ADAMTS16: variants seen among roughly 807,000 people sequenced by gnomAD.
ADAMTS16 encodes the protein A disintegrin and metalloproteinase with thrombospondin motifs 16.
A neutral mutation model predicts 145.8 loss-of-function variants in ADAMTS16; 94 were observed. The observed-to-expected ratio is 0.64, with a 90% CI of 0.55 to 0.77. ADAMTS16 has a LOEUF of 0.77. Among genes scored for constraint, ADAMTS16 ranks in the 30% least tolerant of loss-of-function variants. The probability of loss-of-function intolerance (pLI) is 0.00; values close to 1 mark genes in which losing one functional copy is unlikely to be tolerated. For synonymous variants in ADAMTS16, 659 were observed against 604.3 expected, an observed-to-expected ratio of 1.09 and a Z score of -1.33; for missense variants, 1,585 against 1,591.5, an observed-to-expected ratio of 1.00 and a Z score of 0.07.
intron 18 of ADAMTS16, among the ~76,000 whole-genome samples, chr5:5,291,566 C>T (rs936588610): frequency 7.2e-5 from 11 of 152,168 alleles, no homozygotes; most frequent in East Asian, 3.9e-4. Context: ...ATTGGTGTCC[C>T]GTGATTTCCT....
intron 18 of ADAMTS16, among the ~76,000 whole-genome samples, chr5:5,298,274 A>G (rs1238751081): frequency 6.6e-6 from 1 of 152,252 alleles, no homozygotes; most frequent in Non-Finnish European, 1.5e-5. Context: ...GCATTGCTCC[A>G]GCAGGCATCG....
intron 18 of ADAMTS16, among the ~76,000 whole-genome samples, chr5:5,299,071 G>A (rs943494303): frequency 1.3e-5 from 2 of 152,204 alleles, no homozygotes; most frequent in African/African-American, 4.8e-5. Context: ...GGCAGCTGGA[G>A]CCCTGATACT....
intron 3 of ADAMTS16, among the ~76,000 whole-genome samples, chr5:5,168,163 C>A (rs952881792): frequency 1.3e-5 from 2 of 152,032 alleles, no homozygotes; most frequent in Non-Finnish European, 2.9e-5. Flanking sequence ...CATTTAATCT[C>A]CAAGAAAAGT....
intron 21 of ADAMTS16, among the ~76,000 whole-genome samples, chr5:5,311,873 C>T (rs1209207515): frequency 2.6e-5 from 4 of 151,970 alleles, no homozygotes; most frequent in Admixed American, 6.6e-5. Context: ...CCCGCCACCA[C>T]GCCTGGCTAA....
chr5:5,198,655 A>C (rs1735873317), intron 8 of ADAMTS16, among the ~76,000 whole-genome samples: 1 of 152,210 alleles, frequency 6.6e-6, no homozygotes, highest in Non-Finnish European at 1.5e-5. Context: ...GTACCATAAA[A>C]GCTGTAAAAT....
At chr5:5,265,563 CT>C (rs905673609) in intron 18 of ADAMTS16, among the ~76,000 whole-genome samples, 1 of 152,146 alleles carries the variant, frequency 6.6e-6, no homozygotes, top group African/African-American at 2.4e-5. Flanking sequence ...CAGACAGGCA[CT>C]TTAAGAGGGG....
intron 17 of ADAMTS16, among the ~76,000 whole-genome samples, chr5:5,256,149 C>T: frequency 6.6e-6 from 1 of 152,166 alleles, no homozygotes; most frequent in East Asian, 1.9e-4. Flanking sequence ...TTTCATCCAT[C>T]AGCATTCTCA....
intron 8 of ADAMTS16, among the ~76,000 whole-genome samples, chr5:5,199,145 G>A (rs550849469): frequency 4.6e-5 from 7 of 152,214 alleles, no homozygotes; most frequent in Non-Finnish European, 7.3e-5. Context: ...TGAGCCTTGA[G>A]AGCACTCAAG....
chr5:5,196,169 T>C (rs1197008239), intron 8 of ADAMTS16, among the ~76,000 whole-genome samples: 1 of 136,606 alleles, frequency 7.3e-6, no homozygotes, highest in African/African-American at 2.8e-5. Context: ...ACTCAGGAAG[T>C]AGAGGTTGCA....
At chr5:5,288,232 G>A (rs111741172) in intron 18 of ADAMTS16, among the ~76,000 whole-genome samples, 2,189 of 152,232 alleles carry the variant, frequency 0.014, 16 homozygotes, top group Non-Finnish European at 0.022. Flanking sequence ...TGAATCCTCC[G>A]TGATTTAAAT....
chr5:5,180,726 C>A (rs1194985737), intron 3 of ADAMTS16, among the ~76,000 whole-genome samples: 1 of 152,190 alleles, frequency 6.6e-6, no homozygotes, highest in Non-Finnish European at 1.5e-5. Context: ...AAACCTTAAA[C>A]TTACAAGTTC....
intron 18 of ADAMTS16, among the ~76,000 whole-genome samples, chr5:5,277,597 T>C (rs1471552447): frequency 6.6e-6 from 1 of 152,052 alleles, no homozygotes; most frequent in Non-Finnish European, 1.5e-5. Context: ...TGTCCCAGAG[T>C]CTGATTTTAC....
At chr5:5,152,715 A>C (rs1734507432) in intron 3 of ADAMTS16, among the ~76,000 whole-genome samples, 1 of 152,144 alleles carries the variant, frequency 6.6e-6, no homozygotes, top group Non-Finnish European at 1.5e-5. Flanking sequence ...ACCAAATTTC[A>C]CTGTTCTGTT....
chr5:5,287,445 A>G (rs951971373), intron 18 of ADAMTS16, among the ~76,000 whole-genome samples: 1 of 152,226 alleles, frequency 6.6e-6, no homozygotes, highest in Non-Finnish European at 1.5e-5. Flanking sequence ...AGACCCATCT[A>G]CAGAGGCTTA....
chr5:5,245,647 G>A (rs766587880), intron 17 of ADAMTS16, among the ~76,000 whole-genome samples: 1 of 152,134 alleles, frequency 6.6e-6, no homozygotes. Flanking sequence ...GAAGACAGCT[G>A]GAAAATTTCT....
chr5:5,247,433 G>A (rs1242735114), intron 17 of ADAMTS16, among the ~76,000 whole-genome samples: 1 of 152,148 alleles, frequency 6.6e-6, no homozygotes. Context: ...AGAGTGGGGT[G>A]TATTCCTCAG....
At chr5:5,242,268 T>G in intron 17 of ADAMTS16, 77 bp downstream of exon 17, 1 of 1,550,176 alleles carries the variant, frequency 6.5e-7, no homozygotes, top group Non-Finnish European at 8.7e-7. Context: ...TGGCCTTTCT[T>G]GAATCCTAAT....
At chr5:5,232,201 A>T (rs866193027) in intron 11 of ADAMTS16, among the ~76,000 whole-genome samples, 167 bp from the exon 12 acceptor site, 59 of 151,038 alleles carry the variant, frequency 3.9e-4, no homozygotes, top group African/African-American at 1.4e-3. Flanking sequence ...AAAAAAAACA[A>T]CATTGAATGT....
intron 17 of ADAMTS16, 21 bp from the exon 18 acceptor site, chr5:5,262,636 A>G (rs1266112523): frequency 6.2e-7 from 1 of 1,608,330 alleles, no homozygotes; most frequent in Admixed American, 1.7e-5. Context: ...TCTTTATTCT[A>G]CATTTCATCC....
Sources: allele counts gnomAD v4.1 joint callset (sites outside exome capture counted in the v4.1 genomes callset), GRCh38; gene constraint gnomAD v4.1.1; transcripts MANE v1.5; gene names NCBI Gene and HGNC (gene_info 2026-07-23, HGNC 2026-07-21).